The following PTPRM variants were observed in gnomAD, a reference collection of about 807,000 sequenced individuals.
The protein encoded by PTPRM is receptor-type tyrosine-protein phosphatase mu.
PTPRM carries 47 observed loss-of-function variants against 186.7 expected under a neutral mutation model. The observed-to-expected ratio is 0.25, with a 90% CI of 0.20 to 0.32. PTPRM has a LOEUF of 0.32. Among genes scored for constraint, PTPRM ranks in the 10% least tolerant of loss-of-function variants. The probability of loss-of-function intolerance (pLI) is 1.00; values close to 1 mark genes in which losing one functional copy is unlikely to be tolerated. For missense variants in PTPRM, 1,494 were observed against 1,865.0 expected, an observed-to-expected ratio of 0.80 and a Z score of 3.66; for synonymous variants, 668 against 674.9, an observed-to-expected ratio of 0.99 and a Z score of 0.16.
At chr18:8,114,454 C>T (rs368171961) in intron 12 of PTPRM, among the ~76,000 whole-genome samples, 4 of 152,194 alleles carry the variant, frequency 2.6e-5, no homozygotes, top group Middle Eastern at 3.4e-3. Context: ...ATCTGAGATG[C>T]ATCATGCTTC....
At chr18:8,208,844 G>C (rs2093964418) in intron 14 of PTPRM, among the ~76,000 whole-genome samples, 1 of 152,210 alleles carries the variant, frequency 6.6e-6, no homozygotes. Flanking sequence ...GATTCATAAA[G>C]AGGAAGGAAG....
chr18:8,397,096 C>G (rs1298639906), intron 32 of PTPRM, among the ~76,000 whole-genome samples: 1 of 152,210 alleles, frequency 6.6e-6, no homozygotes, highest in Non-Finnish European at 1.5e-5. Context: ...GTCTACTTAG[C>G]CGCGTCTTCA....
chr18:8,137,751 G>A (rs1394271870), intron 13 of PTPRM, among the ~76,000 whole-genome samples: 2 of 151,982 alleles, frequency 1.3e-5, no homozygotes, highest in Admixed American at 1.3e-4. Context: ...CCTTTGTTCT[G>A]GCTTATGAGG....
At chr18:8,393,336 A>G (rs572946351) in intron 31 of PTPRM, among the ~76,000 whole-genome samples, 151 of 152,300 alleles carry the variant, frequency 9.9e-4, no homozygotes, top group African/African-American at 2.8e-3. Context: ...TACATGTTAT[A>G]GTTTGTGATG....
chr18:7,811,014 AT>A (rs1158858352), intron 2 of PTPRM, among the ~76,000 whole-genome samples: 1 of 151,968 alleles, frequency 6.6e-6, no homozygotes, highest in African/African-American at 2.4e-5. Flanking sequence ...TTGCCCAGTA[AT>A]TTTTTTTCAA....
intron 8 of PTPRM, among the ~76,000 whole-genome samples, chr18:8,071,639 A>T (rs796556682): frequency 3.9e-4 from 60 of 152,274 alleles, no homozygotes; most frequent in African/African-American, 1.4e-3. Flanking sequence ...CTGCAAAGCC[A>T]TCCCTGAGTG....
chr18:8,071,470 C>T (rs631838), intron 8 of PTPRM, among the ~76,000 whole-genome samples: 1 of 151,996 alleles, frequency 6.6e-6, no homozygotes, highest in African/African-American at 2.4e-5. Context: ...CTCACTCACT[C>T]ACTAATCTTA....
chr18:7,794,827 A>G (rs555821376), intron 2 of PTPRM, among the ~76,000 whole-genome samples: 42 of 152,282 alleles, frequency 2.8e-4, no homozygotes, highest in African/African-American at 9.6e-4. Context: ...GGACCTCACA[A>G]TAGAATTGAA....
rs557826628 is a variant in PTPRM, at chr18:7,924,008, T to C, written c.548-2560T>C. ...ATCTATAAAAGAGAGCGAATTTAGA[T>C]TAGAACAAGGAAACAAAAAGAAACC... On this transcript the variant is annotated intron_variant, in intron 4 of 32. Transcript: ENST00000580170. Among the ~76,000 whole-genome samples, 4 of 152,288 alleles carry C rather than the reference T, an allele frequency of 2.6e-5. No individual in the cohort carries two copies. The East Asian group carries it at 7.7e-4, about 29-fold the overall frequency.
intron 7 of PTPRM, among the ~76,000 whole-genome samples, chr18:8,039,797 T>G (rs982314136): frequency 1.3e-5 from 2 of 152,152 alleles, no homozygotes; most frequent in Non-Finnish European, 2.9e-5. Context: ...AGATCCCTAT[T>G]TATTATTTTC....
intron 7 of PTPRM, among the ~76,000 whole-genome samples, chr18:8,034,527 A>G (rs1457133316): frequency 6.6e-6 from 1 of 152,188 alleles, no homozygotes; most frequent in African/African-American, 2.4e-5. Flanking sequence ...AGACATTCTC[A>G]TTCCACAAAA....
chr18:7,822,300 T>TA (rs1468455806), intron 2 of PTPRM, among the ~76,000 whole-genome samples: 2 of 152,226 alleles, frequency 1.3e-5, no homozygotes, highest in Non-Finnish European at 2.9e-5. Context: ...GAAATATACT[T>TA]ACCTCCCCTT....
chr18:8,196,570 G>A lies in PTPRM; in HGVS notation c.2301-47488G>A, dbSNP rs145825127. 3.7e-3 allele frequency among the ~76,000 whole-genome samples: 561 copies of A among 152,324 alleles called. 1 individual carries two copies. The highest frequency in any genetic ancestry group is 6.0e-3 in the Non-Finnish European group (405 of 68,036). Reference sequence around the variant, plus strand: ...CTGTCTAGGACTAGTGCCCAGTAGAGAGATTGGCAGAAAAACACTCATTTT... The same window carrying A: ...CTGTCTAGGACTAGTGCCCAGTAGAAAGATTGGCAGAAAAACACTCATTTT... On this transcript the variant is annotated intron_variant, in intron 14 of 32. Transcript: ENST00000580170.
Position 8,128,533 on chromosome 18 carries a change from A to C in PTPRM, c.2167+13706A>C, listed in dbSNP as rs924018737. On this transcript the variant is annotated intron_variant, in intron 13 of 32. Coordinates refer to ENST00000580170, the MANE Select transcript of PTPRM (RefSeq NM_001105244.2). The stretch of plus-strand genomic sequence containing the variant: ...CTGCAATACCAGCTGACTGCATTTT[A>C]ATGGGCTATAGTGTCACTGTTGATT... Among the ~76,000 whole-genome samples the C allele has an allele frequency of 3.3e-5, 5 of 152,156 alleles. No individual in the cohort carries two copies. The South Asian group carries it at 1.0e-3, about 32-fold the overall frequency.
chr18:8,054,029 G>T (rs2087707762), intron 7 of PTPRM, among the ~76,000 whole-genome samples: 1 of 151,860 alleles, frequency 6.6e-6, no homozygotes, highest in Non-Finnish European at 1.5e-5. Context: ...TGTAGGTCCT[G>T]CTTGTTTGCC....
At chr18:7,773,582 T>TG (rs2042433881) in intron 1 of PTPRM, among the ~76,000 whole-genome samples, 2 of 150,776 alleles carry the variant, frequency 1.3e-5, no homozygotes, top group African/African-American at 4.9e-5. Context: ...TTTTTTTTTT[T>TG]TTTTTTGTTT....
At chr18:7,578,581 C>T (rs1264804939) in intron 1 of PTPRM, among the ~76,000 whole-genome samples, 1 of 151,904 alleles carries the variant, frequency 6.6e-6, no homozygotes, top group African/African-American at 2.4e-5. Context: ...GTGATCCGCC[C>T]ACCTTGGCCT....
At chr18:8,052,575 C>T (rs1292354778) in intron 7 of PTPRM, among the ~76,000 whole-genome samples, 2 of 152,136 alleles carry the variant, frequency 1.3e-5, no homozygotes, top group African/African-American at 2.4e-5. Context: ...ATGATGTTCA[C>T]ACAATGAAAT....
chr18:7,842,861 C>A (rs1232565636), intron 2 of PTPRM, among the ~76,000 whole-genome samples: 5 of 80,934 alleles, frequency 6.2e-5, no homozygotes, highest in African/African-American at 1.2e-4. Context: ...GAGAGAGAAA[C>A]ATATATATAT....
Sources: gnomAD v4.1 joint callset for allele counts (sites outside exome capture counted in the v4.1 genomes callset) on GRCh38, gnomAD v4.1.1 for gene constraint, MANE v1.5 for transcripts, NCBI Gene and HGNC (gene_info 2026-07-23, HGNC 2026-07-21) for gene names.